ZFAND4: variants seen among roughly 807,000 people sequenced by gnomAD.
The protein encoded by ZFAND4 is zinc finger AN1-type containing 4.
In ZFAND4, 43 loss-of-function variants were observed where a neutral mutation model predicts 64.4. The observed-to-expected ratio is 0.67, with a 90% CI of 0.52 to 0.86. ZFAND4 has a LOEUF of 0.86. Among genes scored for constraint, ZFAND4 ranks in the 40% least tolerant of loss-of-function variants. The probability of loss-of-function intolerance (pLI) is 0.00; values close to 1 mark genes in which losing one functional copy is unlikely to be tolerated. For missense variants in ZFAND4, 929 were observed against 859.8 expected, an observed-to-expected ratio of 1.08 and a Z score of -1.01; for synonymous variants, 296 against 305.7, an observed-to-expected ratio of 0.97 and a Z score of 0.33.
intron 6 of ZFAND4, among the ~76,000 whole-genome samples, chr10:45,638,463 G>GAGCA (rs946037746): frequency 2.6e-5 from 4 of 151,078 alleles, no homozygotes; most frequent in African/African-American, 4.9e-5. Context: ...CTGGGTGACA[G>GAGCA]AGCAAGACTC....
chr10:45,670,712 C>A (rs2049126262), intron 1 of ZFAND4, among the ~76,000 whole-genome samples: 2 of 152,174 alleles, frequency 1.3e-5, no homozygotes, highest in South Asian at 4.1e-4. Context: ...AAATGTTAGA[C>A]CTGAAACCAT....
intron 1 of ZFAND4, among the ~76,000 whole-genome samples, chr10:45,665,361 G>A (rs574786948): frequency 1.9e-4 from 29 of 152,122 alleles, no homozygotes; most frequent in African/African-American, 4.8e-4. Context: ...CCAAAATGGC[G>A]AAACCCCATC....
chr10:45,642,607 C>CAA lies in ZFAND4; in HGVS notation c.570-2646_570-2645dup, dbSNP rs531722370. On this transcript the variant is annotated intron_variant, in intron 5 of 9. Coordinates refer to ENST00000344646, the MANE Select transcript of ZFAND4 (RefSeq NM_174890.4). ...TGGGCGACAGAGTGAGACTCCATCT[C>CAA]AAAAAAAAAAAAAAAAAGAACAATC... Among the ~76,000 whole-genome samples the CAA allele has an allele frequency of 3.9e-3, 228 of 58,676 alleles. 1 individual carries two copies. Among genetic ancestry groups the CAA allele is most frequent in the African/African-American group, 0.013 (216 of 16,736 alleles). 38.5% of individuals were successfully genotyped at this position (58,676 alleles called of 152,430 possible). A position where few individuals can be genotyped will look rare whatever the true frequency, so the allele number is the denominator to read the frequency against.
chr10:45,631,152 A>G (rs956070302), intron 6 of ZFAND4, among the ~76,000 whole-genome samples: 2 of 151,836 alleles, frequency 1.3e-5, no homozygotes, highest in Non-Finnish European at 2.9e-5. Flanking sequence ...CCCTGTCTCT[A>G]CTAAAAATAC....
chr10:45,625,496 GGAGA>G (rs968783078), intron 7 of ZFAND4, among the ~76,000 whole-genome samples: 2 of 150,096 alleles, frequency 1.3e-5, no homozygotes, highest in Non-Finnish European at 3.0e-5. Context: ...AAAAAAAAAG[GGAGA>G]GAGAGAGTGA....
At chr10:45,643,717 TAAAAAGA>T (rs2047188264) in intron 5 of ZFAND4, among the ~76,000 whole-genome samples, 1 of 145,048 alleles carries the variant, frequency 6.9e-6, no homozygotes, top group Non-Finnish European at 1.5e-5. Context: ...CATGATCCAC[TAAAAAGA>T]TTTGAGACTA....
chr10:45,628,230 T>C (rs1589270334), intron 6 of ZFAND4, among the ~76,000 whole-genome samples: 1 of 152,242 alleles, frequency 6.6e-6, no homozygotes, highest in African/African-American at 2.4e-5. Flanking sequence ...TATGAAAATA[T>C]AAGAAAAGCT....
At position 45,626,965 on chromosome 10, in the gene ZFAND4, T is replaced by A; in HGVS notation, c.858A>T (p.Ala286=). 1 of 1,614,186 alleles carries A rather than the reference T, an allele frequency of 6.2e-7. No individual in the cohort carries two copies. Among genetic ancestry groups the A allele is most frequent in the Non-Finnish European group, 8.5e-7 (1 of 1,180,024 alleles). The stretch of plus-strand genomic sequence containing the variant: ...CATTCCTGGAGATTTCGGGCGGATA[T>A]GCATTCCCAAAAGCAGGTGAACAAG... ...GQSCSPAFGN[A]YPPEISRNGI... is the part of the protein sequence containing the mutation. The change falls in exon 7 of 10, where the codon GCA becomes GCT. Residue 286 remains alanine, a synonymous_variant. Transcript: ENST00000344646.
intron 8 of ZFAND4, among the ~76,000 whole-genome samples, chr10:45,618,990 T>A (rs2045209863): frequency 6.6e-6 from 1 of 152,228 alleles, no homozygotes; most frequent in Admixed American, 6.5e-5. Context: ...TCAACTTGAG[T>A]TTTTACCTTA....
intron 8 of ZFAND4, among the ~76,000 whole-genome samples, chr10:45,623,212 T>C (rs2045559038): frequency 6.6e-6 from 1 of 152,172 alleles, no homozygotes; most frequent in Non-Finnish European, 1.5e-5. Context: ...AATATGACGG[T>C]TCCTCAAAAA....
rs551300760 is a variant in ZFAND4 at position 45,656,816 on chromosome 10, A to G, written c.185-3757T>C. Among the ~76,000 whole-genome samples, 4 of 152,140 alleles carry G rather than the reference A, an allele frequency of 2.6e-5. No individual in the cohort carries two copies. The East Asian group carries it at 7.7e-4, about 29-fold the overall frequency. On this transcript the variant is annotated intron_variant, in intron 2 of 9. Transcript: ENST00000344646. Reference sequence around the variant, plus strand: ...AGAATGGGATTAGTGTCCTTAGAAGAGAGATGATCTCCCTCTCTTTATCTA... The same window carrying G: ...AGAATGGGATTAGTGTCCTTAGAAGGGAGATGATCTCCCTCTCTTTATCTA...
intron 5 of ZFAND4, among the ~76,000 whole-genome samples, chr10:45,641,104 T>C (rs2046969339): frequency 6.6e-6 from 1 of 152,210 alleles, no homozygotes; most frequent in Non-Finnish European, 1.5e-5. Flanking sequence ...AAGCAGACAT[T>C]AGACTTTATC....
At chr10:45,620,663 C>T (rs1047379544) in intron 8 of ZFAND4, 1 of 152,058 alleles carries the variant, frequency 6.6e-6, no homozygotes, top group South Asian at 2.1e-4. Flanking sequence ...ATATTGATTC[C>T]CCACTATAAA....
chr10:45,659,353 T>TTC (rs2048328723), intron 2 of ZFAND4, among the ~76,000 whole-genome samples: 1 of 152,174 alleles, frequency 6.6e-6, no homozygotes, highest in Non-Finnish European at 1.5e-5. Context: ...GAAAGAATTG[T>TTC]AAGACGCAAA....
chr10:45,667,182 T>C (rs1350816393), intron 1 of ZFAND4, among the ~76,000 whole-genome samples: 4 of 152,200 alleles, frequency 2.6e-5, no homozygotes, highest in African/African-American at 4.8e-5. Flanking sequence ...TTTTGTTCTC[T>C]TTTATTAAAT....
At chr10:45,630,961 TA>T (rs1378126279) in intron 6 of ZFAND4, among the ~76,000 whole-genome samples, 3,424 of 123,492 alleles carry the variant, frequency 0.028, 35 homozygotes, top group Non-Finnish European at 0.037. Flanking sequence ...ACCCTGTCTT[TA>T]AAAAAAAAAA....
rs534269024 is a variant in ZFAND4 at position 45,672,649 on chromosome 10, C to T, written c.-517G>A. The T allele has an allele frequency of 6.6e-6, 1 of 151,968 alleles. No individual in the cohort carries two copies. The highest frequency in any genetic ancestry group is 1.9e-4 in the East Asian group (1 of 5,194). The allele number at this position is 151,968 out of a possible 1,614,324, so 9.4% of individuals were successfully genotyped here. ...AGCGGCTCGCAGCCCGGGCGCCCCCCCTGCCGGCCGCTCGCTAGCTCAGCC... is the reference window on the plus strand; with the variant it reads ...AGCGGCTCGCAGCCCGGGCGCCCCCTCTGCCGGCCGCTCGCTAGCTCAGCC... On this transcript the variant is annotated 5_prime_UTR_variant, in exon 1 of 10. Transcript: ENST00000344646.
At chr10:45,661,796 C>T (rs541011943) in intron 2 of ZFAND4, among the ~76,000 whole-genome samples, 2 of 152,054 alleles carry the variant, frequency 1.3e-5, no homozygotes, top group South Asian at 4.2e-4. Flanking sequence ...CAAAATCAGT[C>T]AGGCATGGTG....
At chr10:45,643,110 C>T (rs1465397876) in intron 5 of ZFAND4, among the ~76,000 whole-genome samples, 2 of 149,740 alleles carry the variant, frequency 1.3e-5, no homozygotes, top group Admixed American at 6.6e-5. Flanking sequence ...AGTAGAGATG[C>T]GGTTTCTCCA....
Sources: allele counts gnomAD v4.1 joint callset (sites outside exome capture counted in the v4.1 genomes callset), GRCh38; gene constraint gnomAD v4.1.1; transcripts MANE v1.5; gene names NCBI Gene and HGNC (gene_info 2026-07-23, HGNC 2026-07-21).